The following ULK4 variants were observed in gnomAD, a reference collection of about 807,000 sequenced individuals.
ULK4 encodes the protein unc-51 like kinase 4.
ULK4 carries 133 observed loss-of-function variants against 160.6 expected under a neutral mutation model. The observed-to-expected ratio is 0.83, with a 90% CI of 0.72 to 0.96. The LOEUF is 0.96. ULK4 is among the 40% of genes least tolerant of loss of function. The pLI, the probability that ULK4 is intolerant of heterozygous loss-of-function variation, is 0.00. For synonymous variants in ULK4, 534 were observed against 539.8 expected (o/e 0.99, Z 0.15); for missense variants, 1,580 against 1,499.5 (o/e 1.05, Z -0.89).
chr3:41,826,948 CAACA>C (rs2041380470), intron 18 of ULK4, among the ~76,000 whole-genome samples: 2 of 114,912 alleles, frequency 1.7e-5, no homozygotes, highest in Admixed American at 1.7e-4. Context: ...ACAGAAATTA[CAACA>C]AACTGTCTCT....
chr3:41,669,387 C>A (rs751065107), intron 29 of ULK4, among the ~76,000 whole-genome samples: 1 of 152,054 alleles, frequency 6.6e-6, no homozygotes, highest in Non-Finnish European at 1.5e-5. Context: ...CCCACTCCCA[C>A]CCCAAAGTAG....
intron 19 of ULK4, among the ~76,000 whole-genome samples, chr3:41,814,196 C>T (rs1248242159): frequency 1.3e-5 from 2 of 152,136 alleles, no homozygotes; most frequent in African/African-American, 4.8e-5. Context: ...TAGTATCTTT[C>T]AAGGATTTAT....
At chr3:41,931,655 T>C in intron 5 of ULK4, 189 bp downstream of exon 5, 4 of 639,006 alleles carry the variant, frequency 6.3e-6, no homozygotes, top group Non-Finnish European at 1.0e-5. Flanking sequence ...CCTTACAGAG[T>C]AGATCCACAT....
chr3:41,478,971 C>G (rs1352000721), intron 32 of ULK4, among the ~76,000 whole-genome samples: 1 of 152,182 alleles, frequency 6.6e-6, no homozygotes, highest in East Asian at 1.9e-4. Context: ...TTCCAATGCC[C>G]AGGAAAGTGC....
intron 27 of ULK4, among the ~76,000 whole-genome samples, chr3:41,691,307 C>G (rs1418951335): frequency 2.6e-5 from 4 of 151,824 alleles, no homozygotes; most frequent in Admixed American, 2.6e-4. Flanking sequence ...AGATGCAGAC[C>G]CTGGAAGCAT....
intron 35 of ULK4, among the ~76,000 whole-genome samples, chr3:41,368,732 T>C (rs1210993973): frequency 6.6e-6 from 1 of 152,268 alleles, no homozygotes; most frequent in East Asian, 1.9e-4. Flanking sequence ...TTCCTTTTTA[T>C]GACTGAATAA....
chr3:41,584,334 C>G (rs2030621811), intron 31 of ULK4, among the ~76,000 whole-genome samples: 2 of 152,234 alleles, frequency 1.3e-5, no homozygotes, highest in South Asian at 4.1e-4. Context: ...CTCTGTCACC[C>G]AAGCTGGAGT....
intron 34 of ULK4, among the ~76,000 whole-genome samples, chr3:41,416,073 T>C (rs1329376548): frequency 1.3e-5 from 2 of 152,184 alleles, no homozygotes; most frequent in African/African-American, 4.8e-5. Context: ...AGTCACACAT[T>C]TCTATAGAAA....
In ULK4 at chr3:41,419,925, T is replaced by C. The variant is rs961464056; in HGVS notation, c.3493-21661A>G. Among the ~76,000 whole-genome samples the C allele has an allele frequency of 4.6e-5, 7 of 151,880 alleles. No homozygotes were observed. The South Asian group carries it at 6.3e-4, about 14-fold the overall frequency. On this transcript the variant is annotated intron_variant, in intron 34 of 36. Coordinates refer to ENST00000301831, the MANE Select transcript of ULK4 (RefSeq NM_017886.4). ...CCACTGTGACCCCTCACAGGGTGTT[T>C]TGGCACTGGGCTTCCTCCGCCCTGT... is the stretch of plus-strand genomic sequence containing the variant.
chr3:41,695,550 A>C (rs1435188465), intron 27 of ULK4, among the ~76,000 whole-genome samples: 1 of 152,194 alleles, frequency 6.6e-6, no homozygotes, highest in African/African-American at 2.4e-5. Flanking sequence ...AGCCAACCTG[A>C]AAAGGCTTAC....
rs35891513 is a variant in ULK4, at chr3:41,468,561, A to G, written c.3227-5308T>C. Among the ~76,000 whole-genome samples, 520 of 152,362 alleles carry G rather than the reference A, an allele frequency of 3.4e-3. 21 individuals carry two copies. Among genetic ancestry groups the G allele is most frequent in the Admixed American group, 0.031 (468 of 15,306 alleles). Reference sequence around the variant, plus strand: ...TCCACAGAAAGTTCTATCAGCAACTATCCACAGATATGAACACTCTGATGA... The same window carrying G: ...TCCACAGAAAGTTCTATCAGCAACTGTCCACAGATATGAACACTCTGATGA... On this transcript the variant is annotated intron_variant, in intron 32 of 36. Coordinates refer to ENST00000301831, the MANE Select transcript of ULK4 (RefSeq NM_017886.4).
chr3:41,441,531 TATA>T (rs2083169190), intron 34 of ULK4, among the ~76,000 whole-genome samples: 1 of 152,114 alleles, frequency 6.6e-6, no homozygotes. Context: ...TTACAAAATA[TATA>T]ATATTTACAT....
chr3:41,716,249 TAATAATA>T (rs1308754982), intron 23 of ULK4, among the ~76,000 whole-genome samples: 1 of 143,396 alleles, frequency 7.0e-6, no homozygotes, highest in Non-Finnish European at 1.5e-5. Flanking sequence ...ATAATAATAA[TAATAATA>T]AGTGAACGAA....
Position 41,715,517 on chromosome 3 carries a change from G to A in ULK4, c.2507C>T (p.Thr836Ile). Reference sequence around the variant, plus strand: ...CAACTTCAGCTGTTTCACTTGAACTGTTGATGGGTGTTTACGTCCAGAAAC... The same window carrying A: ...CAACTTCAGCTGTTTCACTTGAACTATTGATGGGTGTTTACGTCCAGAAAC... ...ANVSGRKHPS[T>I]VQVKQLKLCL... Residue 836 changes from threonine to isoleucine, a missense_variant, in exon 24 of 37, where the codon ACA becomes ATA. Thr to Ile is a moderately conservative substitution (Grantham distance 89, BLOSUM62 -1). Transcript: ENST00000301831. 8 of 1,614,138 alleles carry A rather than the reference G, an allele frequency of 5.0e-6. No homozygotes were observed. Among genetic ancestry groups the A allele is most frequent in the African/African-American group, 1.3e-5 (1 of 75,046 alleles).
At chr3:41,578,874 G>C (rs148812578) in intron 31 of ULK4, among the ~76,000 whole-genome samples, 1 of 152,194 alleles carries the variant, frequency 6.6e-6, no homozygotes, top group Non-Finnish European at 1.5e-5. Flanking sequence ...AATTTCCAAA[G>C]TCCAGAAGAG....
chr3:41,703,194 T>G (rs1487325542), intron 27 of ULK4, among the ~76,000 whole-genome samples: 3 of 151,862 alleles, frequency 2.0e-5, no homozygotes, highest in Admixed American at 6.6e-5. Context: ...AATTACTTGA[T>G]GAACATATAT....
intron 32 of ULK4, among the ~76,000 whole-genome samples, chr3:41,502,360 A>T (rs1250227549): frequency 6.6e-6 from 1 of 152,204 alleles, no homozygotes; most frequent in African/African-American, 2.4e-5. Context: ...GCCAGCACTT[A>T]TCTTTTATCT....
chr3:41,926,647 G>T (rs199542615), intron 5 of ULK4, among the ~76,000 whole-genome samples: 1 of 149,704 alleles, frequency 6.7e-6, no homozygotes, highest in South Asian at 2.1e-4. Flanking sequence ...GTTTAGAGAA[G>T]AACATAAATG....
chr3:41,299,909 T>C (rs1434037475), intron 35 of ULK4, among the ~76,000 whole-genome samples: 2 of 152,222 alleles, frequency 1.3e-5, no homozygotes, highest in African/African-American at 4.8e-5. Context: ...AATAAGCTTA[T>C]ACATCTAACA....
Sources: gnomAD v4.1 joint callset for allele counts (sites outside exome capture counted in the v4.1 genomes callset) on GRCh38, gnomAD v4.1.1 for gene constraint, MANE v1.5 for transcripts, NCBI Gene and HGNC (gene_info 2026-07-23, HGNC 2026-07-21) for gene names.